Variants in UTS2B observed in about 807,000 individuals in gnomAD.
The protein encoded by UTS2B is urotensin 2B.
UTS2B carries 21 observed loss-of-function variants against 19.2 expected under a neutral mutation model. That is an observed-to-expected ratio of 1.09 (90% CI 0.78 to 1.58). The LOEUF is 1.58. Ranked by LOEUF, UTS2B falls within the 40% of genes most tolerant of loss-of-function variation. UTS2B has a pLI of 0.00. For synonymous variants in UTS2B, 57 were observed against 50.2 expected, an observed-to-expected ratio of 1.14 and a Z score of -0.58; for missense variants, 138 against 130.3, an observed-to-expected ratio of 1.06 and a Z score of -0.29.
intron 2 of UTS2B, among the ~76,000 whole-genome samples, chr3:191,327,491 C>A (rs918113480): frequency 6.6e-6 from 1 of 152,156 alleles, no homozygotes; most frequent in Admixed American, 6.5e-5. Context: ...TGAAGGGACA[C>A]TGGAAACAAA....
intron 5 of UTS2B, among the ~76,000 whole-genome samples, chr3:191,279,294 C>T (rs183382940): frequency 6.6e-6 from 1 of 151,828 alleles, no homozygotes; most frequent in African/African-American, 2.4e-5. Context: ...ATTTAAAATA[C>T]CAACAGAATA....
At chr3:191,292,160 G>T (rs1436689748) in intron 4 of UTS2B, among the ~76,000 whole-genome samples, 1 of 149,362 alleles carries the variant, frequency 6.7e-6, no homozygotes, top group Non-Finnish European at 1.5e-5. Context: ...CTAAGATTTT[G>T]GTAGAGGTTG....
chr3:191,282,361 T>C (rs1352477022), intron 4 of UTS2B, 48 bp from the exon 5 acceptor site: 2 of 556,062 alleles, frequency 3.6e-6, no homozygotes, highest in Non-Finnish European at 3.2e-6. Context: ...TAAAATGCAA[T>C]GCAATCAAGT....
intron 2 of UTS2B, among the ~76,000 whole-genome samples, chr3:191,320,349 T>C (rs1717581395): frequency 6.6e-6 from 1 of 152,164 alleles, no homozygotes; most frequent in South Asian, 2.1e-4. Flanking sequence ...GCGTGGCTTA[T>C]TCAAAGAACA....
chr3:191,291,609 C>T (rs759533199), intron 4 of UTS2B, among the ~76,000 whole-genome samples: 4 of 152,078 alleles, frequency 2.6e-5, no homozygotes, highest in Admixed American at 6.5e-5. Flanking sequence ...CCCACCACCA[C>T]ACCTGGCCAA....
chr3:191,322,862 G>C (rs1717645004), intron 2 of UTS2B, among the ~76,000 whole-genome samples: 1 of 152,152 alleles, frequency 6.6e-6, no homozygotes, highest in South Asian at 2.1e-4. Context: ...GCTCTTCTGA[G>C]CCCCTTGAGT....
chr3:191,340,852 T>C, the UTS2B span, among the ~76,000 whole-genome samples: 1 of 152,202 alleles, frequency 6.6e-6, no homozygotes, highest in Non-Finnish European at 1.5e-5. Context: ...CTTTTTCTTC[T>C]AGAGACAGGG....
At chr3:191,344,412 C>T in the UTS2B span, among the ~76,000 whole-genome samples, 1 of 152,132 alleles carries the variant, frequency 6.6e-6, no homozygotes, top group Non-Finnish European at 1.5e-5. Flanking sequence ...CTGAGGAGAT[C>T]TGAATTTTTA....
chr3:191,315,172 C>A (rs1309835185), intron 3 of UTS2B, among the ~76,000 whole-genome samples: 1 of 152,068 alleles, frequency 6.6e-6, no homozygotes, highest in Admixed American at 6.5e-5. Flanking sequence ...GCCACCATGC[C>A]CAGACAATTT....
chr3:191,338,015 A>C, the UTS2B span, among the ~76,000 whole-genome samples: 20,120 of 152,104 alleles, frequency 0.13, 1,732 homozygotes, highest in East Asian at 0.24. Context: ...ACCAAATACC[A>C]GGGGAGTCTC....
chr3:191,337,653 A>G, the UTS2B span, among the ~76,000 whole-genome samples: 58 of 152,038 alleles, frequency 3.8e-4, no homozygotes, highest in African/African-American at 1.4e-3. Context: ...TCTTTTTTTA[A>G]GAAGAAAAAA....
chr3:191,318,142 A>G (rs1188444205), intron 2 of UTS2B, among the ~76,000 whole-genome samples: 3 of 152,240 alleles, frequency 2.0e-5, no homozygotes, highest in Non-Finnish European at 4.4e-5. Flanking sequence ...TTTTAAAGCA[A>G]TAATCTGTGA....
chr3:191,315,103 A>T (rs1342080685), intron 3 of UTS2B, among the ~76,000 whole-genome samples: 1 of 147,746 alleles, frequency 6.8e-6, no homozygotes, highest in Non-Finnish European at 1.5e-5. Flanking sequence ...CCTCTGCCCC[A>T]CTGGGTTCAA....
upstream of UTS2B, among the ~76,000 whole-genome samples, chr3:191,334,469 A>G (rs551838194): frequency 1.5e-4 from 23 of 152,280 alleles, no homozygotes; most frequent in African/African-American, 5.3e-4. Flanking sequence ...AAGAGATTTC[A>G]GAGTAGAAAG....
intron 7 of UTS2B, 123 bp from the exon 8 acceptor site, chr3:191,275,468 C>T (rs946057551): frequency 1.5e-6 from 1 of 689,640 alleles, no homozygotes; most frequent in South Asian, 1.7e-5. Flanking sequence ...GTCACGAGGT[C>T]AGGCGATCAA....
intron 4 of UTS2B, among the ~76,000 whole-genome samples, chr3:191,287,059 G>C (rs1391417951): frequency 6.6e-6 from 1 of 151,842 alleles, no homozygotes. Flanking sequence ...TGAATCATGA[G>C]GAAATAGAAA....
chr3:191,313,748 T>G (rs1369115129), intron 3 of UTS2B, among the ~76,000 whole-genome samples: 1 of 114,076 alleles, frequency 8.8e-6, no homozygotes, highest in Non-Finnish European at 1.8e-5. Flanking sequence ...TTTTTTTTTT[T>G]GAGATGAGGT....
At chr3:191,300,712 GA>G (rs1268284537) in intron 4 of UTS2B, among the ~76,000 whole-genome samples, 1 of 152,234 alleles carries the variant, frequency 6.6e-6, no homozygotes, top group African/African-American at 2.4e-5. Context: ...TTGGATCATG[GA>G]GGTAGAATTC....
intron 3 of UTS2B, 31 bp downstream of exon 3, chr3:191,316,005 A>C (rs1717437194): frequency 6.6e-6 from 1 of 152,178 alleles, no homozygotes; most frequent in Non-Finnish European, 1.5e-5. Context: ...AAATTTCTGC[A>C]AATTGGGTAA....
Sources: allele counts gnomAD v4.1 joint callset (sites outside exome capture counted in the v4.1 genomes callset), GRCh38; gene constraint gnomAD v4.1.1; transcripts MANE v1.5; gene names NCBI Gene and HGNC (gene_info 2026-07-23, HGNC 2026-07-21).